Variants in COL25A1 observed in about 807,000 individuals in gnomAD.
The protein encoded by COL25A1 is collagen alpha-1(XXV) chain.
In COL25A1, 103 loss-of-function variants were observed where a neutral mutation model predicts 128.4. The ratio of observed to expected loss-of-function variants is 0.80; its 90% CI spans 0.68 to 0.94. COL25A1 has a LOEUF of 0.94. Ranked by LOEUF, COL25A1 falls within the 40% of genes least tolerant of loss-of-function variation. The pLI, the probability that COL25A1 is intolerant of heterozygous loss-of-function variation, is 0.00. For missense variants in COL25A1, 745 were observed against 840.0 expected (o/e 0.89, Z 1.40); for synonymous variants, 279 against 277.2 (o/e 1.01, Z -0.06).
intron 3 of COL25A1, among the ~76,000 whole-genome samples, chr4:109,121,968 T>C (rs750906334): frequency 6.6e-5 from 10 of 152,078 alleles, no homozygotes; most frequent in South Asian, 6.2e-4. Context: ...TATCAAGCCA[T>C]GAACAGACAT....
intron 3 of COL25A1, among the ~76,000 whole-genome samples, chr4:109,293,381 G>T (rs114792057): frequency 6.6e-6 from 1 of 151,872 alleles, no homozygotes; most frequent in African/African-American, 2.4e-5. Context: ...CTCCTTACAC[G>T]TGAACTCTTT....
intron 22 of COL25A1, among the ~76,000 whole-genome samples, 183 bp from the exon 23 acceptor site, chr4:108,861,154 T>A (rs1737164159): frequency 1.3e-5 from 2 of 152,124 alleles, no homozygotes; most frequent in South Asian, 2.1e-4. Context: ...GAACTAAAAT[T>A]CCTTTTTTTA....
At chr4:108,859,528 A>T in intron 24 of COL25A1, 128 bp downstream of exon 24, 3 of 615,548 alleles carry the variant, frequency 4.9e-6, no homozygotes, top group Non-Finnish European at 8.5e-6. Flanking sequence ...GAGAACAGGG[A>T]GAAGGGGTGC....
intron 3 of COL25A1, among the ~76,000 whole-genome samples, chr4:109,113,024 G>A (rs58600573): frequency 0.027 from 4,119 of 152,116 alleles, 206 homozygotes; most frequent in African/African-American, 0.093. Context: ...AATCAGCAGC[G>A]GTGGCAGTAC....
At chr4:109,186,663 G>T (rs1775160896) in intron 3 of COL25A1, among the ~76,000 whole-genome samples, 1 of 152,138 alleles carries the variant, frequency 6.6e-6, no homozygotes, top group African/African-American at 2.4e-5. Context: ...TGACAAATGG[G>T]ACAGGATCAC....
intron 11 of COL25A1, among the ~76,000 whole-genome samples, chr4:108,933,031 C>T (rs35969772): frequency 0.029 from 4,410 of 152,270 alleles, 99 homozygotes; most frequent in Middle Eastern, 0.058. Flanking sequence ...AGAATAGATG[C>T]ATGGCAGGAT....
At chr4:108,880,274 T>C (rs79558005) in intron 19 of COL25A1, among the ~76,000 whole-genome samples, 59 of 152,310 alleles carry the variant, frequency 3.9e-4, no homozygotes, top group African/African-American at 1.3e-3. Flanking sequence ...ACTGTGGTTC[T>C]TCATCCTTTG....
At chr4:108,838,017 G>T in intron 31 of COL25A1, 2 of 953,492 alleles carry the variant, frequency 2.1e-6, no homozygotes, top group Non-Finnish European at 3.3e-6. Flanking sequence ...AGTACGAGCT[G>T]CTGAGTAAAC....
chr4:109,035,507 T>C (rs966339646), intron 5 of COL25A1, among the ~76,000 whole-genome samples: 1 of 152,144 alleles, frequency 6.6e-6, no homozygotes, highest in Non-Finnish European at 1.5e-5. Flanking sequence ...AACAGAAACC[T>C]AGAAATGACC....
intron 3 of COL25A1, among the ~76,000 whole-genome samples, 194 bp downstream of exon 3, chr4:109,300,389 C>T (rs906733618): frequency 1.3e-5 from 2 of 152,126 alleles, no homozygotes; most frequent in African/African-American, 4.8e-5. Context: ...CATAACAGGC[C>T]TTGGTATGCT....
At chr4:109,280,383 T>A (rs1306443414) in intron 3 of COL25A1, among the ~76,000 whole-genome samples, 1 of 152,208 alleles carries the variant, frequency 6.6e-6, no homozygotes, top group Non-Finnish European at 1.5e-5. Flanking sequence ...TTACCAACTT[T>A]ACGGGAAACA....
At chr4:108,923,626 G>T (rs1333139769) in intron 11 of COL25A1, among the ~76,000 whole-genome samples, 4 of 152,294 alleles carry the variant, frequency 2.6e-5, no homozygotes, top group African/African-American at 7.2e-5. Context: ...GATTACAAGT[G>T]TTAGCTACTA....
chr4:108,882,402 C>G (rs936258008), intron 19 of COL25A1, among the ~76,000 whole-genome samples: 1 of 152,046 alleles, frequency 6.6e-6, no homozygotes, highest in East Asian at 1.9e-4. Context: ...GCTGGTACCC[C>G]GATAACCTAC....
chr4:108,895,991 G>C (rs1742083132), intron 16 of COL25A1, among the ~76,000 whole-genome samples: 1 of 137,652 alleles, frequency 7.3e-6, no homozygotes, highest in African/African-American at 2.7e-5. Context: ...TGTCACCCAG[G>C]CTGGAGTGCA....
intron 3 of COL25A1, among the ~76,000 whole-genome samples, chr4:109,106,577 A>G (rs949613265): frequency 2.6e-5 from 4 of 152,144 alleles, no homozygotes; most frequent in African/African-American, 9.7e-5. Flanking sequence ...AAAAAAATCA[A>G]TGTGAGGAGT....
At chr4:108,964,342 C>T (rs1751066286) in intron 8 of COL25A1, among the ~76,000 whole-genome samples, 1 of 151,584 alleles carries the variant, frequency 6.6e-6, no homozygotes, top group Admixed American at 6.6e-5. Flanking sequence ...CAGTTAAAGG[C>T]TCACATCTCA....
At chr4:109,186,576 T>C (rs1252322528) in intron 3 of COL25A1, among the ~76,000 whole-genome samples, 1 of 152,170 alleles carries the variant, frequency 6.6e-6, no homozygotes, top group Non-Finnish European at 1.5e-5. Context: ...TCAGGAATTC[T>C]TGAAAATCCA....
intron 34 of COL25A1, among the ~76,000 whole-genome samples, chr4:108,824,544 G>C (rs1438851632): frequency 6.6e-6 from 1 of 152,166 alleles, no homozygotes; most frequent in Non-Finnish European, 1.5e-5. Context: ...CTGCACTTTA[G>C]TCCGTTGACT....
At chr4:108,815,605 A>C (rs536579309) in intron 37 of COL25A1, among the ~76,000 whole-genome samples, 2 of 152,060 alleles carry the variant, frequency 1.3e-5, no homozygotes, top group African/African-American at 4.8e-5. Context: ...AAGATCTTTA[A>C]TCTTATGTAG....
Sources: allele counts gnomAD v4.1 joint callset (sites outside exome capture counted in the v4.1 genomes callset), GRCh38; gene constraint gnomAD v4.1.1; transcripts MANE v1.5; gene names NCBI Gene and HGNC (gene_info 2026-07-23, HGNC 2026-07-21).